Variants in PHF12 observed in about 807,000 individuals in gnomAD.
PHF12 encodes PHD finger protein 12, also known as PHD factor 1.
A neutral mutation model predicts 99.8 loss-of-function variants in PHF12; 6 were observed. That is an observed-to-expected ratio of 0.06 (90% confidence interval 0.03 to 0.12). The LOEUF (loss-of-function observed/expected upper bound fraction) is 0.12, where lower values mean the gene tolerates loss of function less well. PHF12 is among the 10% of genes least tolerant of loss of function. The pLI is 1.00. For missense variants in PHF12, 954 were observed against 1,300.1 expected, an observed-to-expected ratio of 0.73 and a Z score of 4.09; for synonymous variants, 480 against 514.9, an observed-to-expected ratio of 0.93 and a Z score of 0.92.
chr17:28,927,988 G>GT (rs1332776885), intron 2 of PHF12, among the ~76,000 whole-genome samples: 1 of 152,216 alleles, frequency 6.6e-6, no homozygotes, highest in African/African-American at 2.4e-5. Flanking sequence ...GCACATGCCT[G>GT]TAATCCCAGC....
intron 2 of PHF12, among the ~76,000 whole-genome samples, chr17:28,933,819 G>C (rs1598151413): frequency 6.6e-6 from 1 of 152,158 alleles, no homozygotes; most frequent in East Asian, 1.9e-4. Context: ...AGGCTAAGGT[G>C]GGAGGACTAC....
At chr17:28,922,722 A>G (rs890544191) in intron 4 of PHF12, among the ~76,000 whole-genome samples, 9 of 152,242 alleles carry the variant, frequency 5.9e-5, no homozygotes, top group African/African-American at 2.2e-4. Context: ...GTCCATTAAT[A>G]GAAAATGGCA....
chr17:28,947,094 C>T (rs755735042), intron 2 of PHF12, among the ~76,000 whole-genome samples: 30 of 152,020 alleles, frequency 2.0e-4, no homozygotes, highest in Non-Finnish European at 3.8e-4. Context: ...AGTGATTCTC[C>T]TGCCTCAGCC....
At chr17:28,934,219 C>T (rs1230043023) in intron 2 of PHF12, among the ~76,000 whole-genome samples, 2 of 152,192 alleles carry the variant, frequency 1.3e-5, no homozygotes, top group Non-Finnish European at 2.9e-5. Context: ...GTAATGAGAA[C>T]ATACATAATC....
intron 9 of PHF12, 162 bp from the exon 10 acceptor site, chr17:28,911,399 T>C: frequency 1.0e-6 from 1 of 979,452 alleles, no homozygotes; most frequent in South Asian, 1.7e-5. Flanking sequence ...AAACGTGTGG[T>C]GAGGAAGGGC....
intron 9 of PHF12, chr17:28,912,189 T>A: frequency 8.2e-7 from 1 of 1,223,056 alleles, no homozygotes; most frequent in Non-Finnish European, 1.0e-6. Flanking sequence ...GGCCTAGGCC[T>A]GGAAGGTATG....
rs1598168967 is a variant in PHF12 at position 28,949,854 on chromosome 17, C to T, written c.248+211G>A. 2 of 568,202 alleles carry T rather than the reference C, an allele frequency of 3.5e-6. No individual in the cohort carries two copies. Among genetic ancestry groups the T allele is most frequent in the East Asian group, 3.1e-5 (1 of 32,566 alleles). 35.2% of individuals were successfully genotyped at this position (568,202 alleles called of 1,614,324 possible). A position where few individuals can be genotyped will look rare whatever the true frequency, so the allele number is the denominator to read the frequency against. Reference sequence around the variant, plus strand: ...TTCTCTTCACTCGTCCCAACCCCCACCTCGGGGTCCGGACCCACCGCTGCT... The same window carrying T: ...TTCTCTTCACTCGTCCCAACCCCCATCTCGGGGTCCGGACCCACCGCTGCT... On this transcript the variant is annotated intron_variant, in intron 2 of 14. Transcript: ENST00000332830. This position sits in a 1 kb window ranked among gnomAD's most constrained non-coding sequence, Gnocchi z 4.6.
chr17:28,934,372 A>T (rs541764509), intron 2 of PHF12, among the ~76,000 whole-genome samples: 40 of 152,252 alleles, frequency 2.6e-4, no homozygotes, highest in African/African-American at 9.1e-4. Flanking sequence ...CATAATTCAG[A>T]GCTATTTAAC....
intron 2 of PHF12, among the ~76,000 whole-genome samples, chr17:28,941,549 A>C (rs532436622): frequency 3.3e-4 from 51 of 152,308 alleles, no homozygotes; most frequent in Admixed American, 8.5e-4. Context: ...CTGGGCTCAA[A>C]AGACAGCACA....
In PHF12 at chr17:28,908,878, T is replaced by C. The variant is rs1215139097; in HGVS notation, c.2363A>G (p.Gln788Arg). 1 of 1,613,050 alleles carries C rather than the reference T, an allele frequency of 6.2e-7. No homozygotes were observed. The highest frequency in any genetic ancestry group is 1.7e-5 in the Admixed American group (1 of 59,894). The change falls in exon 12 of 15, where the codon CAA (glutamine) becomes CGA (arginine). Residue 788 changes from glutamine (Q) to arginine (R), a missense_variant. By Grantham distance (43) the Gln-to-Arg change is conservative. Coordinates refer to ENST00000332830, the MANE Select transcript of PHF12 (RefSeq NM_001033561.2). ...LASGGHHIEV[Q>R]RKEVQARAVF... ...AGCTCGGGCCTGTACCTCCTTTCTT[T>C]GCACTACAAGACAAACATAGGAATA...
chr17:28,944,902 T>C (rs978445064), intron 2 of PHF12: 7 of 152,192 alleles, frequency 4.6e-5, no homozygotes, highest in Admixed American at 4.6e-4. Context: ...TTAAAGTTAA[T>C]ATATTTTAAT....
chr17:28,909,104 GGTCAGAGAA>G (rs948665909), intron 11 of PHF12: 24 of 551,200 alleles, frequency 4.4e-5, no homozygotes, highest in Admixed American at 9.3e-5. Flanking sequence ...CTTTGAAGAT[GGTCAGAGAA>G]GTCAGAGATG....
intron 2 of PHF12, among the ~76,000 whole-genome samples, chr17:28,946,579 C>G (rs1030283074): frequency 1.3e-5 from 2 of 152,206 alleles, no homozygotes; most frequent in African/African-American, 4.8e-5. Context: ...ATTCCGTTCA[C>G]AGTGAGGCAG....
At chr17:28,943,989 A>G (rs1400327339) in intron 2 of PHF12, among the ~76,000 whole-genome samples, 4 of 152,246 alleles carry the variant, frequency 2.6e-5, no homozygotes, top group Admixed American at 2.6e-4. Flanking sequence ...TAGACAATTT[A>G]TTGAACATTA....
rs1401004425 is a variant in PHF12 at position 28,950,849 on chromosome 17, T to G, written c.66+46A>C. ...GGCTTTGTGGGGCGGAGGGCGGAGG[T>G]TCCCTCCCGGCGCTGGAGGAAGGAG... On this transcript the variant is annotated intron_variant, in intron 1 of 14. Coordinates refer to ENST00000332830, the MANE Select transcript of PHF12 (RefSeq NM_001033561.2). The surrounding 1 kb of genome is among the most constrained non-coding windows in gnomAD (Gnocchi z 5.7). The G allele has an allele frequency of 1.2e-6, 2 of 1,606,196 alleles. No homozygotes were observed. The highest frequency in any genetic ancestry group is 2.7e-5 in the African/African-American group (2 of 74,418).
At chr17:28,923,060 T>A (rs1020103520) in intron 4 of PHF12, among the ~76,000 whole-genome samples, 2 of 149,504 alleles carry the variant, frequency 1.3e-5, no homozygotes, top group South Asian at 2.1e-4. Flanking sequence ...AAAAAAAAAA[T>A]TCTATATTAA....
intron 11 of PHF12, chr17:28,909,953 A>G: frequency 1.6e-6 from 1 of 632,028 alleles, no homozygotes. Context: ...ACATATACCC[A>G]AAGGTACTGG....
At chr17:28,930,629 C>G (rs2040381880) in intron 2 of PHF12, among the ~76,000 whole-genome samples, 1 of 152,232 alleles carries the variant, frequency 6.6e-6, no homozygotes, top group African/African-American at 2.4e-5. Flanking sequence ...CATCCCACCT[C>G]TACTCATTTT....
At chr17:28,946,079 C>T (rs2040716855) in intron 2 of PHF12, among the ~76,000 whole-genome samples, 1 of 151,832 alleles carries the variant, frequency 6.6e-6, no homozygotes, top group Non-Finnish European at 1.5e-5. Flanking sequence ...TTGCAGTGAG[C>T]TGAGATTGCG....
Sources: allele counts gnomAD v4.1 joint callset (sites outside exome capture counted in the v4.1 genomes callset), GRCh38; gene constraint gnomAD v4.1.1; non-coding constraint Gnocchi (gnomAD v3.1); transcripts MANE v1.5; gene names NCBI Gene and HGNC (gene_info 2026-07-23, HGNC 2026-07-21).